ULK4: variants seen among roughly 807,000 people sequenced by gnomAD.
ULK4 encodes unc-51 like kinase 4, also known as inactive serine/threonine-protein kinase ULK4.
In ULK4, 133 loss-of-function variants were observed where a neutral mutation model predicts 160.6. That is an observed-to-expected ratio of 0.83 (90% CI 0.72 to 0.96). The LOEUF is 0.96. Among genes scored for constraint, ULK4 ranks in the 40% least tolerant of loss-of-function variants. ULK4 has a pLI of 0.00. For synonymous variants in ULK4, 534 were observed against 539.8 expected (o/e 0.99, Z 0.15); for missense variants, 1,580 against 1,499.5 (o/e 1.05, Z -0.89).
At position 41,660,271 on chromosome 3, in the gene ULK4, T is replaced by C. The variant is rs377654674; in HGVS notation, c.3071+3336A>G. On this transcript the variant is annotated intron_variant, in intron 30 of 36. Transcript: ENST00000301831. ...GATTGTGCCATTGCACACCAGCCTG[T>C]GGCAACAAGAGTGAAACTCCGTCTC... Among the ~76,000 whole-genome samples the C allele has an allele frequency of 1.5e-3, 226 of 151,226 alleles. 1 individual carries two copies. The highest frequency in any genetic ancestry group is 5.4e-3 in the African/African-American group (220 of 41,044).
chr3:41,468,073 G>T (rs983899057), intron 32 of ULK4, among the ~76,000 whole-genome samples: 2 of 152,138 alleles, frequency 1.3e-5, no homozygotes, highest in Non-Finnish European at 2.9e-5. Flanking sequence ...CTCTTTTCCT[G>T]GCACTATACT....
chr3:41,275,098 G>A (rs1434998354), intron 35 of ULK4, among the ~76,000 whole-genome samples: 1 of 152,188 alleles, frequency 6.6e-6, no homozygotes, highest in Non-Finnish European at 1.5e-5. Flanking sequence ...AGGCAATCTT[G>A]TACAGCCTGT....
chr3:41,319,962 T>C (rs2080216598), intron 35 of ULK4, among the ~76,000 whole-genome samples: 1 of 152,236 alleles, frequency 6.6e-6, no homozygotes, highest in South Asian at 2.1e-4. Flanking sequence ...TTTCTTCACG[T>C]ACAAAACTTT....
intron 30 of ULK4, among the ~76,000 whole-genome samples, chr3:41,658,737 A>ACACACACACTCT (rs1553628732): frequency 5.3e-5 from 8 of 151,180 alleles, no homozygotes; most frequent in African/African-American, 1.9e-4. Flanking sequence ...GTACACACAC[A>ACACACACACTCT]CACACACACA....
intron 35 of ULK4, among the ~76,000 whole-genome samples, chr3:41,346,485 A>C (rs1383233263): frequency 6.6e-6 from 1 of 152,206 alleles, no homozygotes; most frequent in Admixed American, 6.5e-5. Context: ...GCACTGGCTC[A>C]GTGCTCCCAC....
At chr3:41,722,341 AAGAC>A (rs1454275335) in intron 22 of ULK4, among the ~76,000 whole-genome samples, 5 of 151,324 alleles carry the variant, frequency 3.3e-5, no homozygotes, top group African/African-American at 1.2e-4. Flanking sequence ...ATTAAAATGA[AAGAC>A]AGACCGGGCG....
At chr3:41,882,040 G>A (rs1041746913) in intron 17 of ULK4, 25 of 596,122 alleles carry the variant, frequency 4.2e-5, no homozygotes, top group African/African-American at 4.1e-4. Flanking sequence ...ACATCACCCA[G>A]GGTGACCAAC....
At chr3:41,457,463 G>T (rs2083581469) in intron 33 of ULK4, among the ~76,000 whole-genome samples, 1 of 152,182 alleles carries the variant, frequency 6.6e-6, no homozygotes, top group Non-Finnish European at 1.5e-5. Flanking sequence ...GAAGGCTACA[G>T]CTTTGCACAA....
intron 17 of ULK4, among the ~76,000 whole-genome samples, chr3:41,858,921 C>T (rs1002429201): frequency 1.3e-5 from 2 of 152,138 alleles, no homozygotes; most frequent in African/African-American, 4.8e-5. Context: ...GACAGCTCTT[C>T]CCTCTGAAAA....
At chr3:41,664,883 A>G (rs1171282451) in intron 29 of ULK4, among the ~76,000 whole-genome samples, 1 of 152,200 alleles carries the variant, frequency 6.6e-6, no homozygotes, top group East Asian at 1.9e-4. Context: ...CACAATTTCC[A>G]CAACAAAATT....
chr3:41,497,412 T>C (rs1234271140), intron 32 of ULK4, among the ~76,000 whole-genome samples: 2 of 152,008 alleles, frequency 1.3e-5, no homozygotes, highest in Non-Finnish European at 2.9e-5. Flanking sequence ...ATAATATACA[T>C]ATATCTATAT....
chr3:41,487,627 C>T (rs1255632641), intron 32 of ULK4, among the ~76,000 whole-genome samples: 1 of 152,028 alleles, frequency 6.6e-6, no homozygotes, highest in South Asian at 2.1e-4. Context: ...GTATAACTAC[C>T]TAACCATTAA....
intron 31 of ULK4, among the ~76,000 whole-genome samples, chr3:41,570,394 T>C (rs2087929816): frequency 6.6e-6 from 1 of 152,152 alleles, no homozygotes; most frequent in Non-Finnish European, 1.5e-5. Flanking sequence ...ATTCTTACAG[T>C]TGGTTGGAAG....
At chr3:41,802,336 C>T (rs2040486962) in intron 19 of ULK4, among the ~76,000 whole-genome samples, 1 of 152,176 alleles carries the variant, frequency 6.6e-6, no homozygotes, top group Non-Finnish European at 1.5e-5. Context: ...CTCACTCTGT[C>T]ACCCAGACTG....
At chr3:41,594,259 G>A (rs1237426113) in intron 31 of ULK4, among the ~76,000 whole-genome samples, 1 of 152,194 alleles carries the variant, frequency 6.6e-6, no homozygotes, top group Non-Finnish European at 1.5e-5. Flanking sequence ...ACTATGGGCT[G>A]GGCACGGCAG....
In ULK4 at chr3:41,860,648, C is replaced by T. The variant is rs142806063; in HGVS notation, c.1656+23226G>A. On this transcript the variant is annotated intron_variant, in intron 17 of 36. Coordinates refer to ENST00000301831, the MANE Select transcript of ULK4 (RefSeq NM_017886.4). The stretch of plus-strand genomic sequence containing the variant: ...AAGTGTGTTTCTTGTAGGCAACAAT[C>T]AATGGGTCTTGTTTTTTCATCCAGC... Among the ~76,000 whole-genome samples, 53 of 152,254 alleles carry T rather than the reference C, an allele frequency of 3.5e-4. No homozygotes were observed. The East Asian group carries it at 9.1e-3, about 26-fold the overall frequency.
intron 35 of ULK4, among the ~76,000 whole-genome samples, chr3:41,363,222 C>A (rs766440835): frequency 6.6e-6 from 1 of 152,232 alleles, no homozygotes; most frequent in Non-Finnish European, 1.5e-5. Flanking sequence ...GGCAATGGTC[C>A]TCTGGTCCCC....
At chr3:41,268,330 T>C (rs892327542) in intron 35 of ULK4, among the ~76,000 whole-genome samples, 1 of 152,192 alleles carries the variant, frequency 6.6e-6, no homozygotes, top group Non-Finnish European at 1.5e-5. Flanking sequence ...CAAACCCTTC[T>C]TTTCCTCTCT....
intron 22 of ULK4, among the ~76,000 whole-genome samples, chr3:41,740,957 TACTA>T (rs781779646): frequency 2.0e-5 from 3 of 151,980 alleles, no homozygotes; most frequent in South Asian, 2.1e-4. Flanking sequence ...AAGGAACAGC[TACTA>T]ACTATTTTCC....
Sources: gnomAD v4.1 joint callset for allele counts (sites outside exome capture counted in the v4.1 genomes callset) on GRCh38, gnomAD v4.1.1 for gene constraint, MANE v1.5 for transcripts, NCBI Gene and HGNC (gene_info 2026-07-23, HGNC 2026-07-21) for gene names.